PTPRN2: variants seen among roughly 807,000 people sequenced by gnomAD.
PTPRN2 encodes receptor-type tyrosine-protein phosphatase N2.
PTPRN2 carries 74 observed loss-of-function variants against 118.8 expected under a neutral mutation model. That is an observed-to-expected ratio of 0.62 (90% CI 0.52 to 0.76). The LOEUF (loss-of-function observed/expected upper bound fraction) is 0.76. Ranked by LOEUF, PTPRN2 falls within the 30% of genes least tolerant of loss-of-function variation. The pLI is 0.00. For synonymous variants in PTPRN2, 641 were observed against 608.0 expected, an observed-to-expected ratio of 1.05 and a Z score of -0.80; for missense variants, 1,481 against 1,394.4, an observed-to-expected ratio of 1.06 and a Z score of -0.99.
chr7:158,106,347 C>T (rs533073720), intron 10 of PTPRN2, among the ~76,000 whole-genome samples: 84 of 152,158 alleles, frequency 5.5e-4, no homozygotes, highest in African/African-American at 1.9e-3. Flanking sequence ...CAGCTCATCT[C>T]CCTCTCTCTT....
rs1479737854 is a variant in PTPRN2, at chr7:158,148,989, C to CGTGTCTTTCCCCTTCAATG, written c.911-10475_911-10474insCATTGAAGGGGAAAGACAC. On this transcript the variant is annotated intron_variant, in intron 6 of 22. Transcript: ENST00000389418. ...TTCAATGACACCCCATCTCACGCCACACATCTTTCCCCCTCAATGACATCC... is the reference window on the plus strand; with the variant it reads ...TTCAATGACACCCCATCTCACGCCACGTGTCTTTCCCCTTCAATGACATCTTTCCCCCTCAATGACATCC... Among the ~76,000 whole-genome samples, 37 of 131,788 alleles carry CGTGTCTTTCCCCTTCAATG rather than the reference C, an allele frequency of 2.8e-4. 4 individuals carry two copies. Among genetic ancestry groups the CGTGTCTTTCCCCTTCAATG allele is most frequent in the African/African-American group, 9.5e-4 (31 of 32,506 alleles). 86.5% of individuals were successfully genotyped at this position (131,788 alleles called of 152,430 possible).
At chr7:158,373,416 A>G (rs1463376631) in intron 2 of PTPRN2, among the ~76,000 whole-genome samples, 2 of 152,248 alleles carry the variant, frequency 1.3e-5, no homozygotes, top group African/African-American at 4.8e-5. Flanking sequence ...AAGCACGTTT[A>G]TCTTCAGCAA....
intron 4 of PTPRN2, among the ~76,000 whole-genome samples, chr7:158,194,443 G>A (rs758872292): frequency 3.3e-5 from 5 of 152,254 alleles, no homozygotes; most frequent in Middle Eastern, 6.8e-3. Context: ...TGAACCTGCC[G>A]CCCTCAGCAA....
chr7:158,246,683 T>G (rs1796271209), intron 3 of PTPRN2, among the ~76,000 whole-genome samples: 1 of 151,954 alleles, frequency 6.6e-6, no homozygotes, highest in Non-Finnish European at 1.5e-5. Context: ...TATTGCTAAT[T>G]CAACCTTACA....
rs117386354 is a variant in PTPRN2, at chr7:157,629,051, C to T, written c.2197-7542G>A. Reference sequence around the variant, plus strand: ...TCCCGTGTGCATCTGATGCAGGACCCGCTCACACGAAACATGCTCGCCTTC... The same window carrying T: ...TCCCGTGTGCATCTGATGCAGGACCTGCTCACACGAAACATGCTCGCCTTC... On this transcript the variant is annotated intron_variant, in intron 14 of 22. Transcript: ENST00000389418. This position sits in a 1 kb window ranked among gnomAD's most constrained non-coding sequence, Gnocchi z 4.4. 9.7e-4 allele frequency among the ~76,000 whole-genome samples: 148 copies of T among 152,216 alleles called. 2 individuals are homozygous for T. The East Asian group carries it at 0.024, about 25-fold the overall frequency.
chr7:157,908,629 TC>T (rs1359223503), intron 11 of PTPRN2, among the ~76,000 whole-genome samples: 2 of 152,168 alleles, frequency 1.3e-5, no homozygotes, highest in African/African-American at 4.8e-5. Flanking sequence ...CATGCATGAC[TC>T]ACGCAACCAG....
At chr7:158,269,010 A>G (rs955318243) in intron 3 of PTPRN2, among the ~76,000 whole-genome samples, 16 of 152,224 alleles carry the variant, frequency 1.1e-4, no homozygotes, top group African/African-American at 3.6e-4. Flanking sequence ...TTTTGAACGC[A>G]CACACTGAAC....
chr7:157,765,195 TC>T (rs1802379447), intron 12 of PTPRN2, among the ~76,000 whole-genome samples: 1 of 149,898 alleles, frequency 6.7e-6, no homozygotes, highest in Non-Finnish European at 1.5e-5. Context: ...CCATCATTCC[TC>T]CATGCATCCA....
chr7:158,117,509 T>C (rs1278998644), intron 9 of PTPRN2, among the ~76,000 whole-genome samples: 4 of 152,170 alleles, frequency 2.6e-5, no homozygotes, highest in Non-Finnish European at 2.9e-5. Flanking sequence ...AGAAAATACT[T>C]GAAGAACAAT....
chr7:158,258,156 G>A (rs929134155), intron 3 of PTPRN2, among the ~76,000 whole-genome samples: 4 of 152,246 alleles, frequency 2.6e-5, no homozygotes, highest in Admixed American at 1.3e-4. Flanking sequence ...TGGCTGCCCC[G>A]GCTCCTTCTC....
chr7:157,635,269 T>G (rs537495060), intron 14 of PTPRN2, among the ~76,000 whole-genome samples: 91 of 152,364 alleles, frequency 6.0e-4, no homozygotes, highest in African/African-American at 2.0e-3. Context: ...TTGGATGAAC[T>G]CAGGGTACAG....
intron 3 of PTPRN2, among the ~76,000 whole-genome samples, chr7:158,282,345 T>C (rs117081524): frequency 6.6e-6 from 1 of 152,268 alleles, no homozygotes; most frequent in East Asian, 1.9e-4. Context: ...AACTCTATAA[T>C]GAAGCAACTG....
Position 158,418,242 on chromosome 7 carries a change from G to A in PTPRN2, c.163+71493C>T, listed in dbSNP as rs1586626830. On this transcript the variant is annotated intron_variant, in intron 2 of 22. Coordinates refer to ENST00000389418, the MANE Select transcript of PTPRN2 (RefSeq NM_002847.5). ...ACATCGAGATGCTCTAGCTCTCAGT[G>A]TCCCACTGTGTTGTCATGGTGTACT... 2.0e-5 allele frequency among the ~76,000 whole-genome samples: 3 copies of A among 149,564 alleles called. 1 individual carries two copies. The highest frequency in any genetic ancestry group is 7.4e-5 in the African/African-American group (3 of 40,386).
intron 9 of PTPRN2, among the ~76,000 whole-genome samples, chr7:158,129,707 T>C (rs935978700): frequency 6.6e-6 from 1 of 152,188 alleles, no homozygotes; most frequent in African/African-American, 2.4e-5. Flanking sequence ...GTCATGATAA[T>C]GGTCTGCGTC....
At chr7:158,032,056 C>T (rs995660128) in intron 11 of PTPRN2, among the ~76,000 whole-genome samples, 3 of 152,182 alleles carry the variant, frequency 2.0e-5, no homozygotes, top group Non-Finnish European at 4.4e-5. Flanking sequence ...GAAAGAAGAG[C>T]AGCCATTCTG....
chr7:157,650,264 G>A (rs1563302835), intron 14 of PTPRN2, among the ~76,000 whole-genome samples: 1 of 152,174 alleles, frequency 6.6e-6, no homozygotes, highest in Non-Finnish European at 1.5e-5. Flanking sequence ...GACATCCCCC[G>A]CAGGGGCTCC....
intron 9 of PTPRN2, among the ~76,000 whole-genome samples, chr7:158,112,965 C>G (rs1044164171): frequency 6.6e-6 from 1 of 152,142 alleles, no homozygotes; most frequent in African/African-American, 2.4e-5. Flanking sequence ...GAAGCTGGAG[C>G]ACCTAAGACG....
chr7:158,276,234 C>G (rs1359768959), intron 3 of PTPRN2, among the ~76,000 whole-genome samples: 2 of 56,582 alleles, frequency 3.5e-5, no homozygotes, highest in East Asian at 5.1e-4. Flanking sequence ...GTAGCACCCC[C>G]ACATCCCGGT....
rs1797436307 is a variant in PTPRN2, at chr7:157,690,735, C to T, written c.1789-7798G>A. On this transcript the variant is annotated intron_variant, in intron 12 of 22. Coordinates refer to ENST00000389418, the MANE Select transcript of PTPRN2 (RefSeq NM_002847.5). This position sits in a 1 kb window ranked among gnomAD's most constrained non-coding sequence, Gnocchi z 7.1. ...TTCTGACCACAAACTTCTAGGGCGG[C>T]CGGAGGAGACAAAGGTGCCGCGCGT... Among the ~76,000 whole-genome samples the T allele has an allele frequency of 6.6e-6, 1 of 151,414 alleles. No individual in the cohort carries two copies.
Sources: allele counts gnomAD v4.1 joint callset (sites outside exome capture counted in the v4.1 genomes callset), GRCh38; gene constraint gnomAD v4.1.1; non-coding constraint Gnocchi (gnomAD v3.1); transcripts MANE v1.5; gene names NCBI Gene and HGNC (gene_info 2026-07-23, HGNC 2026-07-21).